The following OPCML variants were observed in gnomAD, a reference collection of about 807,000 sequenced individuals.
OPCML encodes opioid binding protein/cell adhesion molecule like, also known as opioid-binding protein/cell adhesion molecule.
In OPCML, 13 loss-of-function variants were observed where a neutral mutation model predicts 37.8. The observed-to-expected ratio is 0.34, with a 90% confidence interval of 0.22 to 0.55. OPCML has a LOEUF of 0.55. Ranked by LOEUF, OPCML falls within the 20% of genes least tolerant of loss-of-function variation. OPCML has a pLI of 0.91. For synonymous variants in OPCML, 176 were observed against 168.8 expected, an observed-to-expected ratio of 1.04 and a Z score of -0.33; for missense variants, 341 against 435.6, an observed-to-expected ratio of 0.78 and a Z score of 1.93.
chr11:133,420,462 C>T (rs1945863574), intron 1 of OPCML: 1 of 985,304 alleles, frequency 1.0e-6, no homozygotes, highest in Non-Finnish European at 1.2e-6. Flanking sequence ...GTTTTCCTCT[C>T]GTATGCTTCT....
intron 3 of OPCML, among the ~76,000 whole-genome samples, chr11:132,634,072 G>A (rs555599460): frequency 1.3e-5 from 2 of 152,186 alleles, no homozygotes; most frequent in African/African-American, 4.8e-5. Context: ...AAGGGAAAGG[G>A]GATTTTTCTT....
chr11:133,125,665 T>C (rs1288542379), intron 1 of OPCML, among the ~76,000 whole-genome samples: 1 of 98,430 alleles, frequency 1.0e-5, no homozygotes, highest in Non-Finnish European at 2.3e-5. Flanking sequence ...TATACATGTA[T>C]ATAGTATAGT....
intron 3 of OPCML, among the ~76,000 whole-genome samples, chr11:132,646,149 G>A (rs909632405): frequency 4.6e-5 from 7 of 152,158 alleles, no homozygotes; most frequent in South Asian, 4.2e-4. Flanking sequence ...GGTGATGGGT[G>A]CACCAAAATC....
At chr11:132,635,425 T>C (rs1054109113) in intron 3 of OPCML, among the ~76,000 whole-genome samples, 2 of 151,960 alleles carry the variant, frequency 1.3e-5, no homozygotes, top group African/African-American at 4.8e-5. Context: ...ATGGCTTATA[T>C]GAAAGGTCCT....
At chr11:133,423,892 A>G (rs563333712) in intron 1 of OPCML, among the ~76,000 whole-genome samples, 1 of 152,252 alleles carries the variant, frequency 6.6e-6, no homozygotes, top group African/African-American at 2.4e-5. Context: ...CTCTTTCACC[A>G]TGTGACAACC....
chr11:132,958,765 G>C (rs531325299), intron 1 of OPCML, among the ~76,000 whole-genome samples: 10 of 152,320 alleles, frequency 6.6e-5, no homozygotes, highest in African/African-American at 2.4e-4. Flanking sequence ...ACTGTTTACA[G>C]CAGGGTTTAC....
intron 1 of OPCML, among the ~76,000 whole-genome samples, chr11:133,184,694 T>A (rs527904361): frequency 3.5e-4 from 53 of 152,318 alleles, no homozygotes; most frequent in Admixed American, 5.9e-4. Context: ...GGACAGTAGA[T>A]CTCGGTTACC....
intron 1 of OPCML, among the ~76,000 whole-genome samples, chr11:133,389,880 T>G (rs1018957765): frequency 4.6e-5 from 7 of 152,218 alleles, no homozygotes; most frequent in African/African-American, 1.7e-4. Flanking sequence ...AAGGATGTCT[T>G]TTTCCAAGGG....
chr11:133,063,419 C>T (rs1335237256), intron 1 of OPCML, among the ~76,000 whole-genome samples: 1 of 152,204 alleles, frequency 6.6e-6, no homozygotes, highest in African/African-American at 2.4e-5. Flanking sequence ...TTCGTGGGCT[C>T]TGCAGTGGTG....
At chr11:132,564,092 G>C (rs143229752) in intron 3 of OPCML, among the ~76,000 whole-genome samples, 10 of 152,292 alleles carry the variant, frequency 6.6e-5, no homozygotes, top group African/African-American at 2.2e-4. Context: ...CAAAAATCAC[G>C]TGGAAAGTTG....
chr11:132,438,640 C>T (rs976586577), intron 4 of OPCML, among the ~76,000 whole-genome samples: 4 of 149,178 alleles, frequency 2.7e-5, no homozygotes, highest in African/African-American at 5.0e-5. Context: ...TGGAGATGGG[C>T]TGGTGTCCAG....
chr11:133,417,196 G>A (rs987078902), intron 1 of OPCML, among the ~76,000 whole-genome samples: 1 of 152,130 alleles, frequency 6.6e-6, no homozygotes, highest in Non-Finnish European at 1.5e-5. Context: ...AGCCACCCTA[G>A]CAAATTAATT....
chr11:132,650,744 C>T lies in OPCML; in HGVS notation c.379+6343G>A, dbSNP rs556759680. Among the ~76,000 whole-genome samples, 299 of 152,232 alleles carry T rather than the reference C, an allele frequency of 2.0e-3. 1 individual carries two copies. The highest frequency in any genetic ancestry group is 3.7e-3 in the Non-Finnish European group (253 of 68,018). On this transcript the variant is annotated intron_variant, in intron 3 of 7. Transcript: ENST00000524381. The stretch of plus-strand genomic sequence containing the variant: ...GATGCAGGCCTGCACTTTTAGGAGC[C>T]GAGCGCAGGGCTGAGGAGTGAGCAT...
At chr11:133,491,158 C>T (rs1253782244) in intron 1 of OPCML, among the ~76,000 whole-genome samples, 1 of 152,140 alleles carries the variant, frequency 6.6e-6, no homozygotes, top group Non-Finnish European at 1.5e-5. Context: ...TCGGATGATG[C>T]CCAGGTCGAC....
intron 4 of OPCML, among the ~76,000 whole-genome samples, chr11:132,459,500 A>G (rs2096093577): frequency 6.8e-6 from 1 of 146,710 alleles, no homozygotes; most frequent in Non-Finnish European, 1.5e-5. Context: ...ATATATATCT[A>G]TATAGAGAAT....
rs548657248 is a variant in OPCML at position 133,230,428 on chromosome 11, G to A, written c.62-287418C>T. Among the ~76,000 whole-genome samples the A allele has an allele frequency of 1.2e-4, 18 of 152,242 alleles. 1 individual carries two copies. In the East Asian group the frequency reaches 3.3e-3, roughly 28 times the overall value. On this transcript the variant is annotated intron_variant, in intron 1 of 7. Transcript: ENST00000524381. ...GCTGCTGTCACTCGTTTCTATTTCT[G>A]CCTCCCCTTTCTCAACTTTCCTGTA...
At chr11:132,504,378 T>TA (rs2096251971) in intron 4 of OPCML, among the ~76,000 whole-genome samples, 1 of 152,214 alleles carries the variant, frequency 6.6e-6, no homozygotes, top group South Asian at 2.1e-4. Flanking sequence ...TACTGCTGAC[T>TA]AAAAAGTCAC....
At chr11:132,512,402 A>C (rs1000400492) in intron 4 of OPCML, among the ~76,000 whole-genome samples, 1 of 152,074 alleles carries the variant, frequency 6.6e-6, no homozygotes, top group African/African-American at 2.4e-5. Flanking sequence ...AGGCCTGTAC[A>C]TACGTGTTTA....
intron 1 of OPCML, chr11:133,008,948 C>T (rs1415586459): frequency 2.0e-6 from 2 of 985,284 alleles, no homozygotes; most frequent in East Asian, 1.1e-4. Flanking sequence ...GAAGACTGAG[C>T]AATTTTCTAC....
Sources: allele counts gnomAD v4.1 joint callset (sites outside exome capture counted in the v4.1 genomes callset), GRCh38; gene constraint gnomAD v4.1.1; transcripts MANE v1.5; gene names NCBI Gene and HGNC (gene_info 2026-07-23, HGNC 2026-07-21).